SLC35E3: variants seen among roughly 807,000 people sequenced by gnomAD.
SLC35E3 encodes the protein solute carrier family 35 member E3.
Under a neutral mutation model 30.8 loss-of-function variants are expected in SLC35E3, and 28 were observed. The observed-to-expected ratio is 0.91, with a 90% CI of 0.67 to 1.25. The LOEUF (loss-of-function observed/expected upper bound fraction) is 1.25. Among genes scored for constraint, SLC35E3 ranks in the 50% most tolerant of loss-of-function variants. SLC35E3 has a pLI of 0.00. For missense variants in SLC35E3, 365 were observed against 375.4 expected, an observed-to-expected ratio of 0.97 and a Z score of 0.23; for synonymous variants, 146 against 149.2, an observed-to-expected ratio of 0.98 and a Z score of 0.16.
At chr12:68,759,273 C>G (rs1225000525) in intron 4 of SLC35E3, 34 bp downstream of exon 4, 1 of 1,513,202 alleles carries the variant, frequency 6.6e-7, no homozygotes, top group East Asian at 2.3e-5. Context: ...AATGCATCGT[C>G]TTTTATATTT....
rs902508713 is a variant in SLC35E3, at chr12:68,780,193, G to C, written c.*15303G>C. 7.9e-5 allele frequency: 12 copies of C among 151,970 alleles called. No individual in the cohort carries two copies. The highest frequency in any genetic ancestry group is 1.3e-4 in the Non-Finnish European group (9 of 68,010). 9.4% of individuals were successfully genotyped at this position (151,970 alleles called of 1,614,324 possible). ...ATTTATTTTGTATTTTTTTGAGACA[G>C]GGTCTTACTTTGTCACCCAGGCTGG... On this transcript the variant is annotated 3_prime_UTR_variant, in exon 5 of 5. Transcript: ENST00000398004.
At chr12:68,757,246 C>CCACT (rs1467641350) in intron 3 of SLC35E3, among the ~76,000 whole-genome samples, 1 of 152,154 alleles carries the variant, frequency 6.6e-6, no homozygotes, top group Non-Finnish European at 1.5e-5. Flanking sequence ...CCCACTCTTA[C>CCACT]CACTCCTCTT....
In SLC35E3 at chr12:68,760,349, C is replaced by T. The variant is rs184253882; in HGVS notation, c.755+1110C>T. 3.8e-4 allele frequency among the ~76,000 whole-genome samples: 58 copies of T among 152,218 alleles called. 1 individual carries two copies. The East Asian group carries it at 8.1e-3, about 21-fold the overall frequency. Reference sequence around the variant, plus strand: ...AGTAAACAAGTAGGATATTTGCCAACTATCAATAAAAAACAACAACGATAA... The same window carrying T: ...AGTAAACAAGTAGGATATTTGCCAATTATCAATAAAAAACAACAACGATAA... On this transcript the variant is annotated intron_variant, in intron 4 of 4. Transcript: ENST00000398004.
rs1879799012 is a variant in SLC35E3, at chr12:68,778,375, TCAA to T, written c.*13489_*13491del. On this transcript the variant is annotated 3_prime_UTR_variant, in exon 5 of 5. Coordinates refer to ENST00000398004, the MANE Select transcript of SLC35E3 (RefSeq NM_018656.5). ...ACCTTGTCTAATAGGTTATCTGTAC[TCAA>T]CAAGCCTAGAACACACACTCCTTTC... The T allele has an allele frequency of 1.3e-5, 2 of 152,194 alleles. No individual in the cohort carries two copies. Among genetic ancestry groups the T allele is most frequent in the African/African-American group, 4.8e-5 (2 of 41,444 alleles). The allele number at this position is 152,194 out of a possible 1,614,324, so 9.4% of individuals were successfully genotyped here.
intron 3 of SLC35E3, among the ~76,000 whole-genome samples, chr12:68,753,224 A>G (rs367558669): frequency 6.6e-6 from 1 of 151,848 alleles, no homozygotes. Context: ...GGAGGTTGCA[A>G]TGAGCCAAGA....
At chr12:68,758,886 C>T (rs535009445) in intron 3 of SLC35E3, among the ~76,000 whole-genome samples, 10 of 151,678 alleles carry the variant, frequency 6.6e-5, no homozygotes, top group Admixed American at 2.6e-4. Context: ...GGACTACAGG[C>T]GCCCGCCACT....
At chr12:68,747,488 C>T (rs1472605951) in intron 1 of SLC35E3, among the ~76,000 whole-genome samples, 3 of 152,126 alleles carry the variant, frequency 2.0e-5, no homozygotes, top group Non-Finnish European at 2.9e-5. Context: ...AGGCTGGTCT[C>T]GAACTCTGAC....
chr12:68,756,800 G>C (rs938025554), intron 3 of SLC35E3, among the ~76,000 whole-genome samples: 1 of 152,178 alleles, frequency 6.6e-6, no homozygotes, highest in Non-Finnish European at 1.5e-5. Context: ...AGGAGATTGA[G>C]ACTAGCCGAG....
rs776771224 is a variant in SLC35E3 at position 68,758,729 on chromosome 12, C to CTTTTTTTTT, written c.673-406_673-398dup. ...TGTCTCCCAACCCCAAATTCTCTTT[C>CTTTTTTTTT]TTTTTTTTTTTTTTTTTTTTTTTTT... On this transcript the variant is annotated intron_variant, in intron 3 of 4. Transcript: ENST00000398004. 3.3e-4 allele frequency among the ~76,000 whole-genome samples: 16 copies of CTTTTTTTTT among 48,418 alleles called. 2 individuals are homozygous for CTTTTTTTTT. The highest frequency in any genetic ancestry group is 1.2e-3 in the African/African-American group (15 of 12,332). 31.8% of individuals were successfully genotyped at this position (48,418 alleles called of 152,430 possible).
intron 2 of SLC35E3, among the ~76,000 whole-genome samples, chr12:68,751,610 T>A (rs939168033): frequency 2.0e-5 from 3 of 152,192 alleles, no homozygotes; most frequent in Non-Finnish European, 2.9e-5. Context: ...TTCCATTTTT[T>A]AAATTTTGCC....
At position 68,776,917 on chromosome 12, in the gene SLC35E3, G is replaced by A. The variant is rs1326061236; in HGVS notation, c.*12027G>A. ...CTACCTGCCCTTCACCATCATCTTT[G>A]TGCTCTCTGACACTGGTCATCCTCA... On this transcript the variant is annotated 3_prime_UTR_variant, in exon 5 of 5. Transcript: ENST00000398004. 1 of 152,182 alleles carries A rather than the reference G, an allele frequency of 6.6e-6. No individual in the cohort carries two copies. 9.4% of individuals were successfully genotyped at this position (152,182 alleles called of 1,614,324 possible).
At chr12:68,763,391 CTG>C (rs1490094444) in intron 4 of SLC35E3, among the ~76,000 whole-genome samples, 2 of 150,838 alleles carry the variant, frequency 1.3e-5, no homozygotes, top group African/African-American at 4.9e-5. Flanking sequence ...GTGTCTGTGT[CTG>C]TGTCTGTGTC....
chr12:68,750,896 C>T (rs565718021), intron 2 of SLC35E3, among the ~76,000 whole-genome samples: 1 of 152,242 alleles, frequency 6.6e-6, no homozygotes, highest in Non-Finnish European at 1.5e-5. Context: ...GATACCCAGA[C>T]CTACAGGAAC....
At chr12:68,750,029 T>C (rs1302907994) in intron 2 of SLC35E3, among the ~76,000 whole-genome samples, 1 of 152,130 alleles carries the variant, frequency 6.6e-6, no homozygotes. Flanking sequence ...GGAACCTACC[T>C]GTACTTCACA....
intron 4 of SLC35E3, among the ~76,000 whole-genome samples, chr12:68,763,845 A>C (rs1222006042): frequency 6.6e-6 from 1 of 152,006 alleles, no homozygotes; most frequent in East Asian, 1.9e-4. Flanking sequence ...TCATGTTTGG[A>C]CTCCACCTCT....
chr12:68,747,618 GT>G (rs1878642391), intron 1 of SLC35E3, among the ~76,000 whole-genome samples: 1 of 152,116 alleles, frequency 6.6e-6, no homozygotes, highest in Non-Finnish European at 1.5e-5. Flanking sequence ...TGCTTATGCT[GT>G]TTAGACACTA....
rs1480799997 is a variant in SLC35E3 at position 68,755,440 on chromosome 12, ATTAAC to A, written c.672+3254_672+3258del. Reference sequence around the variant, plus strand: ...GCACTATTCAAAGCACTATGTAAATATTAACTTATTTAATCTTCATAACTTTATTA... The same window carrying A: ...GCACTATTCAAAGCACTATGTAAATATTATTTAATCTTCATAACTTTATTA... On this transcript the variant is annotated intron_variant, in intron 3 of 4. Coordinates refer to ENST00000398004, the MANE Select transcript of SLC35E3 (RefSeq NM_018656.5). 2.6e-5 allele frequency among the ~76,000 whole-genome samples: 4 copies of A among 152,312 alleles called. No homozygotes were observed. The East Asian group carries it at 5.8e-4, about 22-fold the overall frequency.
rs374359129 is a variant in SLC35E3 at position 68,746,421 on chromosome 12, C to G, written c.44C>G (p.Ala15Gly). The G allele has an allele frequency of 1.9e-6, 3 of 1,610,574 alleles. No individual in the cohort carries two copies. Among genetic ancestry groups the G allele is most frequent in the Non-Finnish European group, 2.5e-6 (3 of 1,177,870 alleles). Residue 15 changes from alanine to glycine, a missense_variant, in exon 1 of 5, where the codon GCC becomes GGC. Coordinates refer to ENST00000398004, the MANE Select transcript of SLC35E3 (RefSeq NM_018656.5). ...VDRVRGHWRI[A>G]AGLLFNLLVS... ...CGAGTGCGGGGCCACTGGCGAATCG[C>G]CGCCGGGCTCCTGTTCAACCTGCTG...
rs141309753 is a variant in SLC35E3, at chr12:68,773,877, T to C, written c.*8987T>C. On this transcript the variant is annotated 3_prime_UTR_variant, in exon 5 of 5. Transcript: ENST00000398004. ...TTCCTAAGCAAATGCCCATTCCTAT[T>C]CTTTGTTCATCTCCACTCTAGAGGC... is the stretch of plus-strand genomic sequence containing the variant. The C allele has an allele frequency of 6.6e-6, 1 of 152,312 alleles. No individual in the cohort carries two copies. The highest frequency in any genetic ancestry group is 1.5e-5 in the Non-Finnish European group (1 of 68,030). 9.4% of individuals were successfully genotyped at this position (152,312 alleles called of 1,614,324 possible).
Sources: allele counts gnomAD v4.1 joint callset (sites outside exome capture counted in the v4.1 genomes callset), GRCh38; gene constraint gnomAD v4.1.1; transcripts MANE v1.5; gene names NCBI Gene and HGNC (gene_info 2026-07-23, HGNC 2026-07-21).